The following CPPED1 variants were observed in gnomAD, a reference collection of about 807,000 sequenced individuals.
The protein encoded by CPPED1 is calcineurin like phosphoesterase domain containing 1.
Under a neutral mutation model 28.0 loss-of-function variants are expected in CPPED1, and 28 were observed. That is an observed-to-expected ratio of 1.00 (90% CI 0.74 to 1.37). The LOEUF is 1.37. CPPED1 is among the 40% of genes most tolerant of loss of function. CPPED1 has a pLI of 0.00. For missense variants in CPPED1, 504 were observed against 416.5 expected (o/e 1.21, Z -1.83); for synonymous variants, 198 against 180.2 (o/e 1.10, Z -0.79).
chr16:12,797,249 A>G (rs958023156), intron 1 of CPPED1, among the ~76,000 whole-genome samples: 1 of 152,212 alleles, frequency 6.6e-6, no homozygotes, highest in African/African-American at 2.4e-5. Flanking sequence ...ATACCTCAAG[A>G]AAGTTATTAA....
At chr16:12,797,161 G>C (rs1461253680) in intron 1 of CPPED1, among the ~76,000 whole-genome samples, 1 of 152,140 alleles carries the variant, frequency 6.6e-6, no homozygotes, top group Non-Finnish European at 1.5e-5. Context: ...GCTAAAGTTA[G>C]ATTGTGACTA....
At chr16:12,758,131 CCAT>C (rs752937398) in intron 2 of CPPED1, among the ~76,000 whole-genome samples, 15 of 152,084 alleles carry the variant, frequency 9.9e-5, no homozygotes, top group Non-Finnish European at 1.8e-4. Flanking sequence ...CAGTTGAACA[CCAT>C]GTCAAGTGAG....
intron 1 of CPPED1, among the ~76,000 whole-genome samples, chr16:12,796,503 A>C (rs2080628532): frequency 6.6e-6 from 1 of 152,092 alleles, no homozygotes; most frequent in Non-Finnish European, 1.5e-5. Context: ...TCAAAAAAAC[A>C]ACAAAAAAAA....
At chr16:12,679,747 T>C (rs1367128364) in intron 3 of CPPED1, among the ~76,000 whole-genome samples, 1 of 152,156 alleles carries the variant, frequency 6.6e-6, no homozygotes, top group Non-Finnish European at 1.5e-5. Context: ...CCCCAAAACA[T>C]GGCACTTTGA....
chr16:12,674,813 C>T (rs935624556), intron 3 of CPPED1, among the ~76,000 whole-genome samples: 3 of 152,192 alleles, frequency 2.0e-5, no homozygotes, highest in African/African-American at 7.2e-5. Context: ...TTACTGACCT[C>T]TGTGAGTTGG....
intron 2 of CPPED1, among the ~76,000 whole-genome samples, chr16:12,706,547 A>T (rs1596454047): frequency 8.7e-6 from 1 of 114,434 alleles, no homozygotes; most frequent in Non-Finnish European, 1.8e-5. Flanking sequence ...CTTATGTATA[A>T]TTTTCACCGA....
intron 2 of CPPED1, among the ~76,000 whole-genome samples, chr16:12,750,073 A>C (rs1190052075): frequency 6.6e-6 from 1 of 152,220 alleles, no homozygotes; most frequent in Non-Finnish European, 1.5e-5. Context: ...AACCTCGTGA[A>C]CCTTAGACTT....
chr16:12,720,378 T>C (rs2080133052), intron 2 of CPPED1: 1 of 154,414 alleles, frequency 6.5e-6, no homozygotes, highest in Admixed American at 6.5e-5. Context: ...TAGCAAGCTT[T>C]TCCTAAAGAG....
chr16:12,676,202 C>T (rs763809889), intron 3 of CPPED1, among the ~76,000 whole-genome samples: 3 of 152,128 alleles, frequency 2.0e-5, no homozygotes, highest in Non-Finnish European at 4.4e-5. Flanking sequence ...GGAAGGGATC[C>T]GGGTAAGGTG....
In CPPED1 at chr16:12,780,261, C is replaced by A. The variant is rs1406096271; in HGVS notation, c.289+924G>T. Among the ~76,000 whole-genome samples the A allele has an allele frequency of 2.0e-5, 3 of 152,064 alleles. No individual in the cohort carries two copies. The East Asian group carries it at 5.8e-4, about 29-fold the overall frequency. Reference sequence around the variant, plus strand: ...GTGGCACAATCTCAGCTCACTGCAACCTCCGCCTCCTGGGTTCAAGCAAGT... The same window carrying A: ...GTGGCACAATCTCAGCTCACTGCAAACTCCGCCTCCTGGGTTCAAGCAAGT... On this transcript the variant is annotated intron_variant, in intron 2 of 3. Coordinates refer to ENST00000381774, the MANE Select transcript of CPPED1 (RefSeq NM_018340.3).
At chr16:12,778,873 T>G (rs1371048519) in intron 2 of CPPED1, among the ~76,000 whole-genome samples, 1 of 152,218 alleles carries the variant, frequency 6.6e-6, no homozygotes, top group Non-Finnish European at 1.5e-5. Context: ...CAGAACAAAT[T>G]ATACATTCTG....
rs564372549 is a variant in CPPED1 at position 12,672,953 on chromosome 16, G to A, written c.716-7838C>T. 6.3e-4 allele frequency among the ~76,000 whole-genome samples: 96 copies of A among 152,310 alleles called. 1 individual carries two copies. Among genetic ancestry groups the A allele is most frequent in the African/African-American group, 2.1e-3 (88 of 41,562 alleles). ...CGCTTGAACTCGGGAGGCGGAGGTTGCAGTGAGCTGAGATTGTGCCACTGC... is the reference window on the plus strand; with the variant it reads ...CGCTTGAACTCGGGAGGCGGAGGTTACAGTGAGCTGAGATTGTGCCACTGC... On this transcript the variant is annotated intron_variant, in intron 3 of 3. Coordinates refer to ENST00000381774, the MANE Select transcript of CPPED1 (RefSeq NM_018340.3).
At chr16:12,788,106 T>G (rs556747225) in intron 1 of CPPED1, among the ~76,000 whole-genome samples, 2 of 152,340 alleles carry the variant, frequency 1.3e-5, no homozygotes, top group South Asian at 4.1e-4. Flanking sequence ...ATATGGAGAC[T>G]TGCCTCATCG....
chr16:12,791,087 T>C (rs892739322), intron 1 of CPPED1, among the ~76,000 whole-genome samples: 1 of 151,468 alleles, frequency 6.6e-6, no homozygotes, highest in African/African-American at 2.4e-5. Flanking sequence ...CTGGGATACA[T>C]GTGCAGAACA....
At chr16:12,760,748 T>C (rs1218196281) in intron 2 of CPPED1, 4 of 152,196 alleles carry the variant, frequency 2.6e-5, no homozygotes, top group Non-Finnish European at 5.9e-5. Context: ...AAATGTGACA[T>C]CTTTGAGTAC....
chr16:12,683,146 G>C (rs537112019), intron 3 of CPPED1, among the ~76,000 whole-genome samples: 1 of 152,202 alleles, frequency 6.6e-6, no homozygotes, highest in Non-Finnish European at 1.5e-5. Context: ...AGGGGGTACT[G>C]CATCCATCAA....
intron 2 of CPPED1, among the ~76,000 whole-genome samples, chr16:12,751,353 A>G (rs187685652): frequency 2.7e-4 from 41 of 152,362 alleles, no homozygotes; most frequent in African/African-American, 9.4e-4. Context: ...GCTGATATGA[A>G]GAAAGTTTTA....
chr16:12,718,790 C>G (rs2080121685), intron 2 of CPPED1, among the ~76,000 whole-genome samples: 1 of 151,796 alleles, frequency 6.6e-6, no homozygotes, highest in South Asian at 2.1e-4. Flanking sequence ...TGGTGAAACC[C>G]TGTCTCTACT....
chr16:12,764,750 G>A (rs538851307), intron 2 of CPPED1, among the ~76,000 whole-genome samples: 17 of 152,304 alleles, frequency 1.1e-4, no homozygotes, highest in African/African-American at 3.8e-4. Context: ...GGTATCACAG[G>A]CTCAGAGCCA....
Sources: allele counts gnomAD v4.1 joint callset (sites outside exome capture counted in the v4.1 genomes callset), GRCh38; gene constraint gnomAD v4.1.1; transcripts MANE v1.5; gene names NCBI Gene and HGNC (gene_info 2026-07-23, HGNC 2026-07-21).